The following NRXN1 variants were observed in gnomAD, a reference collection of about 807,000 sequenced individuals.
NRXN1 encodes neurexin-1.
A neutral mutation model predicts 150.9 loss-of-function variants in NRXN1; 39 were observed. The ratio of observed to expected loss-of-function variants is 0.26; its 90% CI spans 0.20 to 0.34. The LOEUF is 0.34. Ranked by LOEUF, NRXN1 falls within the 10% of genes least tolerant of loss-of-function variation. The probability of loss-of-function intolerance (pLI) is 1.00; values close to 1 mark genes in which losing one functional copy is unlikely to be tolerated. For synonymous variants in NRXN1, 924 were observed against 757.0 expected (o/e 1.22, Z -3.62); for missense variants, 1,815 against 1,949.9 (o/e 0.93, Z 1.30).
chr2:49,936,594 C>G (rs542034436), intron 22 of NRXN1, among the ~76,000 whole-genome samples: 8 of 152,026 alleles, frequency 5.3e-5, no homozygotes, highest in Non-Finnish European at 1.2e-4. Flanking sequence ...GAAAGGGCTG[C>G]GTCTCAAATT....
intron 18 of NRXN1, among the ~76,000 whole-genome samples, chr2:50,191,626 T>G (rs995297639): frequency 6.6e-6 from 1 of 152,164 alleles, no homozygotes; most frequent in Non-Finnish European, 1.5e-5. Flanking sequence ...AATAATCTAT[T>G]CTCCATCTCT....
At chr2:50,354,572 T>C (rs2078658917) in intron 17 of NRXN1, among the ~76,000 whole-genome samples, 1 of 142,930 alleles carries the variant, frequency 7.0e-6, no homozygotes, top group African/African-American at 2.6e-5. Flanking sequence ...TATATATATA[T>C]ATATATATAT....
chr2:51,017,111 G>A (rs151178742), intron 2 of NRXN1, among the ~76,000 whole-genome samples: 2,943 of 151,968 alleles, frequency 0.019, 97 homozygotes, highest in African/African-American at 0.068. Flanking sequence ...TCAGGGGGTG[G>A]GGGTCTAGGG....
chr2:50,637,763 G>A (rs1347689164), intron 5 of NRXN1, among the ~76,000 whole-genome samples: 1 of 152,144 alleles, frequency 6.6e-6, no homozygotes, highest in Non-Finnish European at 1.5e-5. Flanking sequence ...GAATAGGGAT[G>A]AGGGGACAAG....
intron 15 of NRXN1, among the ~76,000 whole-genome samples, chr2:50,475,293 A>G (rs1406790907): frequency 6.6e-6 from 1 of 152,042 alleles, no homozygotes; most frequent in Non-Finnish European, 1.5e-5. Context: ...TGAAGGAGAG[A>G]GACTGTGTTT....
intron 5 of NRXN1, chr2:50,625,030 A>C (rs2104319136): frequency 6.6e-6 from 1 of 152,152 alleles, no homozygotes; most frequent in African/African-American, 2.4e-5. Context: ...ATAAACATAT[A>C]ATTATAAACG....
intron 18 of NRXN1, among the ~76,000 whole-genome samples, chr2:50,094,439 C>T (rs936473861): frequency 6.6e-6 from 1 of 152,082 alleles, no homozygotes. Flanking sequence ...ATCTCAAGTG[C>T]AGGAGAAAGG....
chr2:50,760,476 C>A (rs1401795910), intron 5 of NRXN1, among the ~76,000 whole-genome samples: 1 of 151,772 alleles, frequency 6.6e-6, no homozygotes, highest in Non-Finnish European at 1.5e-5. Context: ...TATGAAGACT[C>A]CTGCAATGAG....
At chr2:50,220,036 A>G (rs116120860) in intron 18 of NRXN1, among the ~76,000 whole-genome samples, 2,106 of 124,382 alleles carry the variant, frequency 0.017, 81 homozygotes, top group African/African-American at 0.064. Flanking sequence ...TAAAGAAAAT[A>G]TTCCTAAATA....
At chr2:50,056,252 A>G (rs1693597645) in intron 19 of NRXN1, among the ~76,000 whole-genome samples, 1 of 152,128 alleles carries the variant, frequency 6.6e-6, no homozygotes, top group Admixed American at 6.6e-5. Flanking sequence ...CTGATTTACA[A>G]TAATTTATAA....
At chr2:50,921,048 CTAATAA>C (rs1685956817) in intron 5 of NRXN1, among the ~76,000 whole-genome samples, 1 of 151,718 alleles carries the variant, frequency 6.6e-6, no homozygotes, top group East Asian at 2.0e-4. Flanking sequence ...TGCATTTAAA[CTAATAA>C]TAATAATTAA....
chr2:50,137,079 A>G (rs1574108263), intron 18 of NRXN1, among the ~76,000 whole-genome samples: 1 of 152,350 alleles, frequency 6.6e-6, no homozygotes, highest in African/African-American at 2.4e-5. Context: ...AAGGTAAAAG[A>G]CAAACCAAGT....
intron 17 of NRXN1, among the ~76,000 whole-genome samples, chr2:50,369,246 A>G (rs2079829855): frequency 6.6e-6 from 1 of 152,014 alleles, no homozygotes; most frequent in African/African-American, 2.4e-5. Flanking sequence ...GACATTTAAA[A>G]TAAACCAAAA....
chr2:50,789,973 T>C (rs9309200), intron 5 of NRXN1, among the ~76,000 whole-genome samples: 111,978 of 152,068 alleles, frequency 0.74, 42,000 homozygotes, highest in East Asian at 0.88. Flanking sequence ...AAAGCAGGAT[T>C]GGCTCTTATC....
chr2:50,501,561 G>T (rs1053304855), intron 13 of NRXN1, among the ~76,000 whole-genome samples: 1 of 151,982 alleles, frequency 6.6e-6, no homozygotes. Context: ...ATGAAGGAAG[G>T]GAATGATGAT....
intron 17 of NRXN1, among the ~76,000 whole-genome samples, chr2:50,350,403 A>T (rs1392336848): frequency 6.6e-6 from 1 of 152,206 alleles, no homozygotes; most frequent in Non-Finnish European, 1.5e-5. Flanking sequence ...GGTGCTAAAA[A>T]GACCTAAAAT....
At chr2:50,581,012 C>A (rs960236710) in intron 8 of NRXN1, among the ~76,000 whole-genome samples, 1 of 151,978 alleles carries the variant, frequency 6.6e-6, no homozygotes, top group South Asian at 2.1e-4. Flanking sequence ...TTAAAAAATA[C>A]TTTTTTGGAG....
intron 17 of NRXN1, among the ~76,000 whole-genome samples, chr2:50,296,349 A>G (rs1463480146): frequency 6.6e-6 from 1 of 152,148 alleles, no homozygotes; most frequent in Non-Finnish European, 1.5e-5. Flanking sequence ...TGTGAACAAC[A>G]TCTTTTTTGT....
At chr2:50,491,504 C>G (rs2091251437) in intron 15 of NRXN1, among the ~76,000 whole-genome samples, 1 of 152,004 alleles carries the variant, frequency 6.6e-6, no homozygotes, top group African/African-American at 2.4e-5. Flanking sequence ...AGGAGGAATA[C>G]TAGGAAGGTT....
Sources: allele counts gnomAD v4.1 joint callset (sites outside exome capture counted in the v4.1 genomes callset), GRCh38; gene constraint gnomAD v4.1.1; transcripts MANE v1.5; gene names NCBI Gene and HGNC (gene_info 2026-07-23, HGNC 2026-07-21).